Variants in WASF3 observed in about 807,000 individuals in gnomAD.
WASF3 encodes actin-binding protein WASF3.
A neutral mutation model predicts 46.6 loss-of-function variants in WASF3; 11 were observed. That is an observed-to-expected ratio of 0.24 (90% CI 0.15 to 0.39). WASF3 has a LOEUF of 0.39. WASF3 is among the 10% of genes least tolerant of loss of function. WASF3 has a pLI of 1.00. For synonymous variants in WASF3, 242 were observed against 259.7 expected (o/e 0.93, Z 0.65); for missense variants, 576 against 669.8 (o/e 0.86, Z 1.55).
chr13:26,552,745 G>A (rs529534656), upstream of WASF3, among the ~76,000 whole-genome samples: 5 of 152,088 alleles, frequency 3.3e-5, no homozygotes, highest in Admixed American at 1.3e-4. Context: ...TTTCTCTTCC[G>A]CAAAGTGAGA....
At chr13:26,628,556 G>T (rs146822468) in intron 2 of WASF3, among the ~76,000 whole-genome samples, 2 of 152,190 alleles carry the variant, frequency 1.3e-5, no homozygotes, top group East Asian at 3.9e-4. Flanking sequence ...GATCACCTGG[G>T]TTCCTTCCTG....
intron 1 of WASF3, chr13:26,577,261 T>A (rs1287901322): frequency 1.4e-6 from 1 of 738,936 alleles, no homozygotes; most frequent in Non-Finnish European, 2.5e-6. Flanking sequence ...CATGTTGATG[T>A]CAGGACTACC....
chr13:26,610,985 C>A (rs796967348), intron 1 of WASF3, among the ~76,000 whole-genome samples: 2 of 150,654 alleles, frequency 1.3e-5, no homozygotes, highest in African/African-American at 4.9e-5. Flanking sequence ...GGCATGTGTC[C>A]GTGCCCAAAA....
rs761473336 is a variant in WASF3, at chr13:26,679,862, A to G, written c.717-1192A>G. Among the ~76,000 whole-genome samples the G allele has an allele frequency of 5.9e-5, 9 of 152,310 alleles. No individual in the cohort carries two copies. The highest frequency in any genetic ancestry group is 6.5e-5 in the Admixed American group (1 of 15,306). ...AGTAGTTATTAGTTGTTACACTTCAATTAAGGAAGGAAAAAGGAAAAGAAG... is the reference window on the plus strand; with the variant it reads ...AGTAGTTATTAGTTGTTACACTTCAGTTAAGGAAGGAAAAAGGAAAAGAAG... On this transcript the variant is annotated intron_variant, in intron 7 of 9. Transcript: ENST00000335327. This position sits in a 1 kb window ranked among gnomAD's most constrained non-coding sequence, Gnocchi z 4.8.
intron 1 of WASF3, among the ~76,000 whole-genome samples, chr13:26,558,521 C>T (rs1053642208): frequency 2.7e-5 from 4 of 149,736 alleles, no homozygotes; most frequent in African/African-American, 9.7e-5. Flanking sequence ...GGTCTTTACC[C>T]GCGCGCCTGG....
intron 1 of WASF3, among the ~76,000 whole-genome samples, chr13:26,596,268 G>A (rs577341747): frequency 5.3e-5 from 8 of 150,684 alleles, no homozygotes; most frequent in East Asian, 3.9e-4. Context: ...CTTATTTGCC[G>A]TCTGTATATC....
intron 1 of WASF3, among the ~76,000 whole-genome samples, chr13:26,599,278 G>A (rs1880576059): frequency 6.8e-6 from 1 of 146,848 alleles, no homozygotes; most frequent in Non-Finnish European, 1.5e-5. Context: ...TGCCTCCTGA[G>A]TTCAAGCAGT....
chr13:26,602,212 T>C (rs1880662299), intron 1 of WASF3, among the ~76,000 whole-genome samples: 1 of 152,194 alleles, frequency 6.6e-6, no homozygotes, highest in African/African-American at 2.4e-5. Flanking sequence ...CTTTCCCCTT[T>C]ACCATGCAGC....
rs71080285 is a variant in WASF3, at chr13:26,660,194, G to GTT, written c.134-4800_134-4799dup. 9.9e-4 allele frequency among the ~76,000 whole-genome samples: 43 copies of GTT among 43,366 alleles called. 2 individuals are homozygous for GTT. Among genetic ancestry groups the GTT allele is most frequent in the African/African-American group, 2.4e-3 (32 of 13,444 alleles). The allele number at this position is 43,366 out of a possible 152,430, so 28.4% of individuals were successfully genotyped here. ...GTAATTAGCTTTTGTTTTTTGTTTG[G>GTT]TTTTTTTTTTTTTTTTTTTTTTTTT... On this transcript the variant is annotated intron_variant, in intron 3 of 9. Transcript: ENST00000335327.
intron 1 of WASF3, among the ~76,000 whole-genome samples, chr13:26,570,861 T>A (rs1879612720): frequency 6.6e-6 from 1 of 152,204 alleles, no homozygotes; most frequent in South Asian, 2.1e-4. Context: ...TATGTAATCT[T>A]GTTAGACGCT....
chr13:26,660,008 G>C lies in WASF3; in HGVS notation c.134-5020G>C, dbSNP rs955486867. ...TAGAAATTTAGGAATCATCAGCATA[G>C]AGGAAGTGTTTACAGCCATTAGACC... On this transcript the variant is annotated intron_variant, in intron 3 of 9. Transcript: ENST00000335327. 2.6e-5 allele frequency among the ~76,000 whole-genome samples: 4 copies of C among 152,132 alleles called. No individual in the cohort carries two copies. In the East Asian group the frequency reaches 7.7e-4, roughly 29 times the overall value.
At chr13:26,609,705 A>G (rs1194033427) in intron 1 of WASF3, 1 of 152,164 alleles carries the variant, frequency 6.6e-6, no homozygotes, top group Non-Finnish European at 1.5e-5. Context: ...TTGGAACCTG[A>G]GTGAACAAGG....
At position 26,676,466 on chromosome 13, in the gene WASF3, C is replaced by G. The variant is rs1036656237; in HGVS notation, c.541-83C>G. The stretch of plus-strand genomic sequence containing the variant: ...TCTTGTCTGTTCATCAGGCATGGGC[C>G]TTGTGCATTATAACTGCATTTAACC... On this transcript the variant is annotated intron_variant, in intron 6 of 9. Coordinates refer to ENST00000335327, the MANE Select transcript of WASF3 (RefSeq NM_006646.6). 22 of 1,470,314 alleles carry G rather than the reference C, an allele frequency of 1.5e-5. No homozygotes were observed. The African/African-American group carries it at 2.8e-4, about 19-fold the overall frequency. 91.1% of individuals were successfully genotyped at this position (1,470,314 alleles called of 1,614,324 possible).
rs201591840 is a variant in WASF3 at position 26,586,745 on chromosome 13, AT to A, written c.-108-26214del. Among the ~76,000 whole-genome samples the A allele has an allele frequency of 5.8e-3, 887 of 152,252 alleles. 12 individuals carry two copies. Among genetic ancestry groups the A allele is most frequent in the African/African-American group, 0.02 (844 of 41,538 alleles). The stretch of plus-strand genomic sequence containing the variant: ...ATCTGGAGACTGGGTTTTAGACCTT[AT>A]TCTGACATTAACTGGCTCTGTAATA... On this transcript the variant is annotated intron_variant, in intron 1 of 9. Transcript: ENST00000335327.
intron 3 of WASF3, among the ~76,000 whole-genome samples, chr13:26,647,462 C>A (rs1336126367): frequency 6.6e-6 from 1 of 151,956 alleles, no homozygotes; most frequent in Non-Finnish European, 1.5e-5. Context: ...GCTTTTTCAT[C>A]ATTTTCCTTG....
intron 1 of WASF3, among the ~76,000 whole-genome samples, chr13:26,570,563 C>T (rs1238476333): frequency 6.6e-6 from 1 of 151,994 alleles, no homozygotes; most frequent in Non-Finnish European, 1.5e-5. Context: ...TTGCACTTTG[C>T]TTTTTTTCAC....
chr13:26,647,085 C>T (rs2137422747), intron 3 of WASF3, among the ~76,000 whole-genome samples: 1 of 152,294 alleles, frequency 6.6e-6, no homozygotes, highest in South Asian at 2.1e-4. Flanking sequence ...GAAATTTTGT[C>T]ACCGTTAAAT....
At chr13:26,572,393 A>G (rs1400645111) in intron 1 of WASF3, among the ~76,000 whole-genome samples, 1 of 152,218 alleles carries the variant, frequency 6.6e-6, no homozygotes, top group Non-Finnish European at 1.5e-5. Flanking sequence ...TTATGTTAAG[A>G]AAGTATGCGT....
At chr13:26,615,067 C>A (rs768463018) in intron 2 of WASF3, among the ~76,000 whole-genome samples, 1 of 151,950 alleles carries the variant, frequency 6.6e-6, no homozygotes. Flanking sequence ...TTGTATTATG[C>A]CCATCAGAGG....
Sources: gnomAD v4.1 joint callset for allele counts (sites outside exome capture counted in the v4.1 genomes callset) on GRCh38, gnomAD v4.1.1 for gene constraint, Gnocchi (gnomAD v3.1) non-coding constraint, MANE v1.5 for transcripts, NCBI Gene and HGNC (gene_info 2026-07-23, HGNC 2026-07-21) for gene names.